Variants in NYNRIN observed in about 807,000 individuals in gnomAD.
NYNRIN encodes NYN domain and retroviral integrase containing, also known as protein NYNRIN.
Under a neutral mutation model 146.6 loss-of-function variants are expected in NYNRIN, and 86 were observed. That is an observed-to-expected ratio of 0.59 (90% CI 0.49 to 0.70). NYNRIN has a LOEUF of 0.70. Ranked by LOEUF, NYNRIN falls within the 30% of genes least tolerant of loss-of-function variation. NYNRIN has a pLI of 0.00. For missense variants in NYNRIN, 2,191 were observed against 2,377.7 expected, an observed-to-expected ratio of 0.92 and a Z score of 1.63; for synonymous variants, 1,027 against 1,001.3, an observed-to-expected ratio of 1.03 and a Z score of -0.48.
rs1451330282 is a variant in NYNRIN, at chr14:24,409,542, C to A, written c.1748C>A (p.Pro583His). The change falls in exon 4 of 9, where the codon CCT becomes CAT. Residue 583 changes from proline to histidine, a missense_variant. Transcript: ENST00000382554. ...ATGATGCTGGCAGTGCACACAGAGC[C>A]TGCAGCTCCCGAAGTGCCTTTGGCT... ...SRMMLAVHTE[P>H]AAPEVPLAPT... 6.2e-7 allele frequency: 1 copy of A among 1,612,234 alleles called. No individual in the cohort carries two copies. The highest frequency in any genetic ancestry group is 1.3e-5 in the African/African-American group (1 of 74,904).
chr14:24,417,955 C>A lies in NYNRIN; in HGVS notation c.*509C>A, dbSNP rs947373898. On this transcript the variant is annotated 3_prime_UTR_variant, in exon 9 of 9. Coordinates refer to ENST00000382554, the MANE Select transcript of NYNRIN (RefSeq NM_025081.3). ...TTAGAGCTGTCACAGATGACATAAG[C>A]CTGGGCAGGCTGTGGGGAGGCCGCT... is the stretch of plus-strand genomic sequence containing the variant. 6 of 247,624 alleles carry A rather than the reference C, an allele frequency of 2.4e-5. No homozygotes were observed. Among genetic ancestry groups the A allele is most frequent in the African/African-American group, 1.2e-4 (5 of 42,372 alleles). 15.3% of individuals were successfully genotyped at this position (247,624 alleles called of 1,614,324 possible). A position where few individuals can be genotyped will look rare whatever the true frequency, so the allele number is the denominator to read the frequency against.
At chr14:24,410,271 G>A in intron 4 of NYNRIN, 63 bp downstream of exon 4, 1 of 1,373,558 alleles carries the variant, frequency 7.3e-7, no homozygotes, top group Non-Finnish European at 1.0e-6. Flanking sequence ...GGCATCCCTG[G>A]GGGACAGAAT....
rs759200905 is a variant in NYNRIN, at chr14:24,411,389, A to T, written c.2581A>T (p.Met861Leu). The T allele has an allele frequency of 1.2e-6, 2 of 1,613,964 alleles. No homozygotes were observed. Among genetic ancestry groups the T allele is most frequent in the Non-Finnish European group, 1.7e-6 (2 of 1,179,886 alleles). The change falls in exon 6 of 9, where the codon ATG becomes TTG. Residue 861 changes from methionine (M) to leucine (L), a missense_variant. This residue lies in a region of NYNRIN where 1,291 missense variants were observed against 1,417.0 expected (regional missense o/e 0.91). Coordinates refer to ENST00000382554, the MANE Select transcript of NYNRIN (RefSeq NM_025081.3). The surrounding 1 kb of genome is among the most constrained non-coding windows in gnomAD (Gnocchi z 4.3). ...TCTGACGAAGCTACACTCGCTCAAGATGCTTTCAATCACACCCTCCCAGCT... is the reference window on the plus strand; with the variant it reads ...TCTGACGAAGCTACACTCGCTCAAGTTGCTTTCAATCACACCCTCCCAGCT... Reference protein sequence around the residue: ...HFLTKLHSLKMLSITPSQLEN... With the variant: ...HFLTKLHSLKLLSITPSQLEN...
chr14:24,417,354 C>CTA lies in NYNRIN; in HGVS notation c.5605_5606insTA (p.Pro1869LeufsTer13). On this transcript the variant is annotated frameshift_variant, in exon 9 of 9. Coordinates refer to ENST00000382554, the MANE Select transcript of NYNRIN (RefSeq NM_025081.3). LOFTEE classifies it high-confidence loss of function. The stretch of plus-strand genomic sequence containing the variant: ...CTATAGGATATGGGGCTTCCCAACC[C>CTA]CAGAGAAGCTGGGGTGCATCTATCC... 6.3e-7 allele frequency: 1 copy of CTA among 1,599,870 alleles called. No individual in the cohort carries two copies. Among genetic ancestry groups the CTA allele is most frequent in the Non-Finnish European group, 8.5e-7 (1 of 1,172,090 alleles).
chr14:24,400,488 G>C (rs2139340097), intron 2 of NYNRIN, among the ~76,000 whole-genome samples: 1 of 152,314 alleles, frequency 6.6e-6, no homozygotes, highest in East Asian at 1.9e-4. Flanking sequence ...CCATGGGTGG[G>C]GAGGCCCAGA....
Position 24,414,701 on chromosome 14 carries a change from G to T in NYNRIN, c.2952G>T (p.Glu984Asp). The T allele has an allele frequency of 6.2e-7, 1 of 1,613,664 alleles. No homozygotes were observed. The highest frequency in any genetic ancestry group is 8.5e-7 in the Non-Finnish European group (1 of 1,179,746). Residue 984 changes from glutamate to aspartate, a missense_variant, in exon 9 of 9, where the codon GAG becomes GAT. Coordinates refer to ENST00000382554, the MANE Select transcript of NYNRIN (RefSeq NM_025081.3). Reference sequence around the variant, plus strand: ...ATGACGCTGACTCTGGGCCCCTGGAGAGTCTGCCGAATATGGAAGAAGTCA... The same window carrying T: ...ATGACGCTGACTCTGGGCCCCTGGATAGTCTGCCGAATATGGAAGAAGTCA... ...LSDDADSGPL[E>D]SLPNMEEVRE... is the part of the protein sequence containing the mutation.
chr14:24,417,377 TC>T lies in NYNRIN; in HGVS notation c.5631del (p.Ser1878AlafsTer3). ...PTPEKLGCIY[P>X]SSLMKAFAKS... is the part of the protein sequence containing the mutation. Reference sequence around the variant, plus strand: ...CCCCAGAGAAGCTGGGGTGCATCTATCCCAGCAGTCTGATGAAGGCCTTTGC... The same window carrying T: ...CCCCAGAGAAGCTGGGGTGCATCTATCCAGCAGTCTGATGAAGGCCTTTGC... On this transcript the variant is annotated frameshift_variant, in exon 9 of 9. Coordinates refer to ENST00000382554, the MANE Select transcript of NYNRIN (RefSeq NM_025081.3). LOFTEE classifies it high-confidence loss of function. 6.3e-7 allele frequency: 1 copy of T among 1,584,580 alleles called. No individual in the cohort carries two copies. The highest frequency in any genetic ancestry group is 8.6e-7 in the Non-Finnish European group (1 of 1,163,684).
chr14:24,416,303 G>A lies in NYNRIN; in HGVS notation c.4554G>A (p.Lys1518=). 1.2e-6 allele frequency: 2 copies of A among 1,613,932 alleles called. No individual in the cohort carries two copies. The highest frequency in any genetic ancestry group is 1.7e-6 in the Non-Finnish European group (2 of 1,179,872). Residue 1518 remains lysine, a synonymous_variant, in exon 9 of 9, where the codon AAG becomes AAA. Coordinates refer to ENST00000382554, the MANE Select transcript of NYNRIN (RefSeq NM_025081.3). ...CCTTTAACTCACTCAGCCTCGACAA[G>A]GAGAGTGGCCTGCTTATGTTCAAGG... ...SSAFNSLSLD[K]ESGLLMFKGD...
At chr14:24,402,397 G>A (rs1327930602) in intron 2 of NYNRIN, among the ~76,000 whole-genome samples, 1 of 152,136 alleles carries the variant, frequency 6.6e-6, no homozygotes, top group Non-Finnish European at 1.5e-5. Flanking sequence ...GAGAAGAGAG[G>A]TGACCACTGC....
chr14:24,417,192 A>T lies in NYNRIN; in HGVS notation c.5443A>T (p.Arg1815Trp). The T allele has an allele frequency of 6.2e-7, 1 of 1,614,066 alleles. No individual in the cohort carries two copies. The highest frequency in any genetic ancestry group is 8.5e-7 in the Non-Finnish European group (1 of 1,179,890). Residue 1815 changes from arginine to tryptophan, a missense_variant, in exon 9 of 9, where the codon AGG (arginine) becomes TGG (tryptophan). Transcript: ENST00000382554. ...CAAGGCGAGTGAAAAGGCCGAGAAC[A>T]GGCGTTTCAAGCGGGAGAGCCAGGA... ...ADKASEKAEN[R>W]RFKRESQEKE...
chr14:24,403,463 C>T (rs1157325868), intron 2 of NYNRIN, among the ~76,000 whole-genome samples: 1 of 152,208 alleles, frequency 6.6e-6, no homozygotes, highest in Admixed American at 6.5e-5. Flanking sequence ...ATACTCATGT[C>T]CTGGACCTTG....
At chr14:24,414,515 G>A in intron 8 of NYNRIN, 81 bp from the exon 9 acceptor site, 1 of 1,135,034 alleles carries the variant, frequency 8.8e-7, no homozygotes, top group East Asian at 2.4e-5. Flanking sequence ...CTTTGGAATG[G>A]GGTTTCCACA....
In NYNRIN at chr14:24,415,308, G is replaced by T. The variant is rs763317583; in HGVS notation, c.3559G>T (p.Ala1187Ser). ...QEHSGRKHPI[A>S]YTSKPLLPDE... ...GCACTCAGGGAGGAAGCACCCCATA[G>T]CCTATACCTCAAAACCCCTCCTCCC... The change falls in exon 9 of 9, where the codon GCC becomes TCC. Residue 1187 changes from alanine to serine, a missense_variant. By Grantham distance (99) the Ala-to-Ser change is moderately conservative. Coordinates refer to ENST00000382554, the MANE Select transcript of NYNRIN (RefSeq NM_025081.3). 140 of 1,613,814 alleles carry T rather than the reference G, an allele frequency of 8.7e-5. No individual in the cohort carries two copies. The highest frequency in any genetic ancestry group is 1.1e-4 in the Non-Finnish European group (135 of 1,179,870).
chr14:24,406,727 G>A (rs969110366), intron 2 of NYNRIN, among the ~76,000 whole-genome samples: 1 of 152,228 alleles, frequency 6.6e-6, no homozygotes, highest in African/African-American at 2.4e-5. Context: ...CAGGAAGAGG[G>A]ATGAGAGGGA....
In NYNRIN at chr14:24,399,648, C is replaced by T. The variant is rs79852867; in HGVS notation, c.198+204C>T. 0.029 allele frequency among the ~76,000 whole-genome samples: 4,442 copies of T among 152,218 alleles called. 476 individuals carry two copies. In the East Asian group the frequency reaches 0.37, roughly 13 times the overall value. On this transcript the variant is annotated intron_variant, in intron 2 of 8. Coordinates refer to ENST00000382554, the MANE Select transcript of NYNRIN (RefSeq NM_025081.3). Reference sequence around the variant, plus strand: ...CATGCCCGCTTCTTCCCTCTGGTTCCTTCCTTTCCTGCCCCACCCCTTCCC... The same window carrying T: ...CATGCCCGCTTCTTCCCTCTGGTTCTTTCCTTTCCTGCCCCACCCCTTCCC...
At chr14:24,401,520 G>A (rs574712373) in intron 2 of NYNRIN, among the ~76,000 whole-genome samples, 10 of 152,202 alleles carry the variant, frequency 6.6e-5, no homozygotes, top group Admixed American at 3.9e-4. Context: ...AGATAGGAGG[G>A]GTATGGTGAG....
chr14:24,407,332 G>A (rs537386210), intron 2 of NYNRIN, among the ~76,000 whole-genome samples: 1 of 152,292 alleles, frequency 6.6e-6, no homozygotes, highest in East Asian at 1.9e-4. Flanking sequence ...AACTATTACT[G>A]TTCCCATTTT....
intron 2 of NYNRIN, among the ~76,000 whole-genome samples, chr14:24,405,040 GTGTGTGAA>G (rs2042868930): frequency 9.0e-6 from 1 of 111,162 alleles, no homozygotes; most frequent in Non-Finnish European, 1.9e-5. Flanking sequence ...GAGAATGTGT[GTGTGTGAA>G]TGTGTGTGAA....
chr14:24,408,220 G>A lies in NYNRIN; in HGVS notation c.550G>A (p.Ala184Thr). The change falls in exon 3 of 9, where the codon GCG becomes ACG. Residue 184 changes from alanine (A) to threonine (T), a missense_variant. Around this residue, in one of 3 missense-constraint regions of NYNRIN, gnomAD observed 895 missense variants for 941.2 expected, o/e 0.95. Coordinates refer to ENST00000382554, the MANE Select transcript of NYNRIN (RefSeq NM_025081.3). ...HAGDLLQLPP[A>T]VQELLLSLVR... is the part of the protein sequence containing the mutation. Reference sequence around the variant, plus strand: ...AGGGGACCTACTGCAGCTGCCCCCAGCGGTCCAGGAGCTGCTGCTGAGCCT... The same window carrying A: ...AGGGGACCTACTGCAGCTGCCCCCAACGGTCCAGGAGCTGCTGCTGAGCCT... 1.2e-6 allele frequency: 2 copies of A among 1,604,802 alleles called. No homozygotes were observed. The highest frequency in any genetic ancestry group is 1.7e-6 in the Non-Finnish European group (2 of 1,178,350).
Sources: allele counts gnomAD v4.1 joint callset (sites outside exome capture counted in the v4.1 genomes callset), GRCh38; gene constraint gnomAD v4.1.1; regional missense constraint gnomAD v4.1.1; non-coding constraint Gnocchi (gnomAD v3.1); transcripts MANE v1.5; gene names NCBI Gene and HGNC (gene_info 2026-07-23, HGNC 2026-07-21).